The following KAZN variants were observed in gnomAD, a reference collection of about 807,000 sequenced individuals.
KAZN encodes kazrin, periplakin interacting protein, also known as kazrin.
A neutral mutation model predicts 87.4 loss-of-function variants in KAZN; 40 were observed. The ratio of observed to expected loss-of-function variants is 0.46; its 90% CI spans 0.36 to 0.60. KAZN has a LOEUF of 0.60. Ranked by LOEUF, KAZN falls within the 20% of genes least tolerant of loss-of-function variation. The pLI is 0.00. For missense variants in KAZN, 898 were observed against 1,073.9 expected (o/e 0.84, Z 2.29); for synonymous variants, 466 against 458.3 (o/e 1.02, Z -0.22).
intron 1 of KAZN, among the ~76,000 whole-genome samples, chr1:14,898,713 ACTGT>A (rs779771581): frequency 7.2e-5 from 11 of 152,132 alleles, no homozygotes; most frequent in Non-Finnish European, 1.5e-4. Flanking sequence ...GGCATGATAG[ACTGT>A]CTGTGCTGTG....
At position 14,012,241 on chromosome 1, in the gene KAZN, T is replaced by C. The variant is rs574122696; in HGVS notation, c.91+118485T>C. 2.0e-5 allele frequency among the ~76,000 whole-genome samples: 3 copies of C among 152,354 alleles called. 1 individual carries two copies. The South Asian group carries it at 6.2e-4, about 32-fold the overall frequency. ...GGAGCTGTGCCCCATTTTGAAAATG[T>C]TCATTAAAGTTACATATGCCTCATG... On this transcript the variant is annotated intron_variant, in intron 1 of 16. Coordinates refer to the KAZN transcript ENST00000636203.
chr1:14,363,147 C>T (rs1374226618), intron 2 of KAZN, among the ~76,000 whole-genome samples: 2 of 152,196 alleles, frequency 1.3e-5, no homozygotes, highest in African/African-American at 4.8e-5. Context: ...CAATTCAGTG[C>T]CCATAAAAGT....
intron 1 of KAZN, among the ~76,000 whole-genome samples, chr1:14,906,653 G>T (rs1441291820): frequency 6.6e-6 from 1 of 151,570 alleles, no homozygotes; most frequent in Non-Finnish European, 1.5e-5. Context: ...ATGATCTGTT[G>T]AAATAAGCAA....
At chr1:14,521,224 G>A (rs1159711545) in intron 2 of KAZN, among the ~76,000 whole-genome samples, 1 of 152,154 alleles carries the variant, frequency 6.6e-6, no homozygotes, top group African/African-American at 2.4e-5. Flanking sequence ...ACGCCAGTCA[G>A]CAGGGACTCT....
chr1:15,018,075 A>C (rs1670306534), intron 2 of KAZN, among the ~76,000 whole-genome samples: 2 of 147,764 alleles, frequency 1.4e-5, no homozygotes, highest in African/African-American at 2.5e-5. Flanking sequence ...CTCCCCCTCC[A>C]TTTTTCTGGG....
chr1:14,895,321 A>T (rs745876593), intron 1 of KAZN, among the ~76,000 whole-genome samples: 2 of 152,244 alleles, frequency 1.3e-5, no homozygotes, highest in Non-Finnish European at 2.9e-5. Flanking sequence ...CAACTCTGCC[A>T]GCCAGGAAAC....
upstream of KAZN, among the ~76,000 whole-genome samples, chr1:14,596,164 G>T (rs1676495843): frequency 6.6e-6 from 1 of 152,322 alleles, no homozygotes; most frequent in East Asian, 1.9e-4. Flanking sequence ...AGGACGCAAA[G>T]ATGAATGACA....
chr1:14,877,509 G>C (rs1380677874), intron 1 of KAZN, among the ~76,000 whole-genome samples: 1 of 152,158 alleles, frequency 6.6e-6, no homozygotes, highest in Non-Finnish European at 1.5e-5. Context: ...TGGGGAAGGG[G>C]AGGTTCTCCA....
chr1:14,758,651 G>A lies in KAZN; in HGVS notation c.226+159428G>A, dbSNP rs536174185. On this transcript the variant is annotated intron_variant, in intron 1 of 14. Transcript: ENST00000376030. ...CTTTGTGACTTGCCTTGGCCAATGC[G>A]ATACTAGCTGATGTGAAGCAGGCAG... Among the ~76,000 whole-genome samples, 13 of 152,222 alleles carry A rather than the reference G, an allele frequency of 8.5e-5. 1 individual carries two copies. The highest frequency in any genetic ancestry group is 1.6e-4 in the Non-Finnish European group (11 of 68,012).
intron 2 of KAZN, among the ~76,000 whole-genome samples, chr1:15,000,704 C>T (rs1305416799): frequency 6.6e-6 from 1 of 151,958 alleles, no homozygotes; most frequent in East Asian, 1.9e-4. Flanking sequence ...CAAAATTACT[C>T]AGCCGTGTAT....
At chr1:14,809,516 G>C (rs1374031992) in intron 1 of KAZN, among the ~76,000 whole-genome samples, 1 of 152,178 alleles carries the variant, frequency 6.6e-6, no homozygotes, top group African/African-American at 2.4e-5. Context: ...ACTTGCAAGG[G>C]TGCAGGGGAG....
At position 14,106,550 on chromosome 1, in the gene KAZN, C is replaced by T. The variant is rs1185779724; in HGVS notation, c.92-73885C>T. ...GGGCTCTTCCCAAAGGGCTCAGCTCCCAAGTGGCCTCTTCCTCTTCTGCCT... is the reference window on the plus strand; with the variant it reads ...GGGCTCTTCCCAAAGGGCTCAGCTCTCAAGTGGCCTCTTCCTCTTCTGCCT... On this transcript the variant is annotated intron_variant, in intron 1 of 16. Coordinates refer to the KAZN transcript ENST00000636203. Among the ~76,000 whole-genome samples, 4 of 152,242 alleles carry T rather than the reference C, an allele frequency of 2.6e-5. No homozygotes were observed. The East Asian group carries it at 7.8e-4, about 30-fold the overall frequency.
At chr1:14,080,599 C>T (rs1643636704) in intron 1 of KAZN, among the ~76,000 whole-genome samples, 1 of 152,214 alleles carries the variant, frequency 6.6e-6, no homozygotes. Context: ...TCAGTACCTA[C>T]TTCATTGGTC....
At chr1:15,106,982 A>AC (rs1641316173) in intron 13 of KAZN, among the ~76,000 whole-genome samples, 1 of 152,210 alleles carries the variant, frequency 6.6e-6, no homozygotes, top group South Asian at 2.1e-4. Context: ...AACAAAAAAA[A>AC]TATGCCTTGA....
In KAZN at chr1:14,414,249, T is replaced by A. The variant is rs1480141975; in HGVS notation, c.250-184734T>A. ...GATGTTCATGTTCTAGTTTTCAGCATTTCCATTTCTAAGAATATACGGAAA... is the reference window on the plus strand; with the variant it reads ...GATGTTCATGTTCTAGTTTTCAGCAATTCCATTTCTAAGAATATACGGAAA... On this transcript the variant is annotated intron_variant, in intron 2 of 16. Coordinates refer to the KAZN transcript ENST00000636203. Among the ~76,000 whole-genome samples, 4 of 151,940 alleles carry A rather than the reference T, an allele frequency of 2.6e-5. No individual in the cohort carries two copies. The East Asian group carries it at 7.7e-4, about 29-fold the overall frequency.
intron 1 of KAZN, among the ~76,000 whole-genome samples, chr1:14,814,976 G>C (rs1403393311): frequency 6.6e-6 from 1 of 152,214 alleles, no homozygotes; most frequent in African/African-American, 2.4e-5. Context: ...TTGGGTTGCT[G>C]TCCAGTGCAC....
chr1:15,009,403 G>A (rs1293590147), intron 2 of KAZN, among the ~76,000 whole-genome samples: 1 of 152,214 alleles, frequency 6.6e-6, no homozygotes, highest in Admixed American at 6.5e-5. Flanking sequence ...GCACCAGGAA[G>A]GCCAGGAGGG....
At chr1:14,615,209 G>A (rs547509175) in intron 1 of KAZN, among the ~76,000 whole-genome samples, 2 of 152,284 alleles carry the variant, frequency 1.3e-5, no homozygotes, top group East Asian at 1.9e-4. Context: ...CAGGATACCC[G>A]GACAAGTAAG....
intron 1 of KAZN, among the ~76,000 whole-genome samples, chr1:14,671,878 T>C (rs868412479): frequency 2.6e-5 from 4 of 152,212 alleles, no homozygotes; most frequent in Non-Finnish European, 1.5e-5. Context: ...CGGAGGAGTG[T>C]GGATTCAAAG....
Sources: allele counts gnomAD v4.1 joint callset (sites outside exome capture counted in the v4.1 genomes callset), GRCh38; gene constraint gnomAD v4.1.1; transcripts MANE v1.5; gene names NCBI Gene and HGNC (gene_info 2026-07-23, HGNC 2026-07-21).